Variants in PCSK2 observed in about 807,000 individuals in gnomAD.
PCSK2 encodes neuroendocrine convertase 2.
In PCSK2, 14 loss-of-function variants were observed where a neutral mutation model predicts 69.7. The ratio of observed to expected loss-of-function variants is 0.20; its 90% confidence interval spans 0.13 to 0.31. The LOEUF (loss-of-function observed/expected upper bound fraction) is 0.31. Among genes scored for constraint, PCSK2 ranks in the 10% least tolerant of loss-of-function variants. The pLI is 1.00. For synonymous variants in PCSK2, 307 were observed against 320.7 expected, an observed-to-expected ratio of 0.96 and a Z score of 0.46; for missense variants, 544 against 842.5, an observed-to-expected ratio of 0.65 and a Z score of 4.39.
intron 2 of PCSK2, among the ~76,000 whole-genome samples, chr20:17,327,947 C>A (rs1448210926): frequency 2.0e-5 from 3 of 152,140 alleles, no homozygotes; most frequent in East Asian, 1.9e-4. Context: ...TATACACGCA[C>A]GCGATGCCCA....
intron 2 of PCSK2, among the ~76,000 whole-genome samples, chr20:17,330,775 C>A (rs1706491732): frequency 6.6e-6 from 1 of 152,280 alleles, no homozygotes; most frequent in African/African-American, 2.4e-5. Context: ...CAGCAGCTAA[C>A]AATCCAGGCC....
intron 1 of PCSK2, among the ~76,000 whole-genome samples, chr20:17,251,951 G>A (rs1208585243): frequency 6.6e-6 from 1 of 152,182 alleles, no homozygotes; most frequent in Non-Finnish European, 1.5e-5. Context: ...AGGATTGTCA[G>A]GCAAAGCACT....
At position 17,453,698 on chromosome 20, in the gene PCSK2, G is replaced by A; in HGVS notation, c.886-44G>A. On this transcript the variant is annotated intron_variant, in intron 8 of 11. Transcript: ENST00000262545. The surrounding 1 kb of genome is among the most constrained non-coding windows in gnomAD (Gnocchi z 4.0). ...TGGAGACCTCCCCTGCCCCCTCGCA[G>A]CCCAGGCTGTGGGTAGCGGCAGCGT... The A allele has an allele frequency of 1.2e-6, 2 of 1,605,008 alleles. No homozygotes were observed. The highest frequency in any genetic ancestry group is 1.7e-6 in the Non-Finnish European group (2 of 1,177,130).
chr20:17,258,455 A>G (rs990304518), intron 1 of PCSK2, among the ~76,000 whole-genome samples: 2 of 152,080 alleles, frequency 1.3e-5, no homozygotes, highest in Non-Finnish European at 2.9e-5. Flanking sequence ...TCCCCACCCC[A>G]ACACACAGCA....
chr20:17,233,322 T>C (rs1378143085), intron 1 of PCSK2, among the ~76,000 whole-genome samples: 1 of 152,134 alleles, frequency 6.6e-6, no homozygotes, highest in African/African-American at 2.4e-5. Context: ...ACTGAGTGCA[T>C]AGGATAAAAT....
chr20:17,240,219 C>T (rs1223879850), intron 1 of PCSK2, among the ~76,000 whole-genome samples: 4 of 152,018 alleles, frequency 2.6e-5, no homozygotes, highest in African/African-American at 9.7e-5. Flanking sequence ...AAGCAAGTCA[C>T]ATGGCCAAGT....
At chr20:17,356,979 T>A (rs1431786177) in intron 2 of PCSK2, among the ~76,000 whole-genome samples, 1 of 151,878 alleles carries the variant, frequency 6.6e-6, no homozygotes, top group Non-Finnish European at 1.5e-5. Flanking sequence ...TGGAAGTAAT[T>A]CCCCCAAATA....
intron 5 of PCSK2, among the ~76,000 whole-genome samples, chr20:17,407,971 C>T (rs2031790078): frequency 6.6e-6 from 1 of 152,110 alleles, no homozygotes; most frequent in African/African-American, 2.4e-5. Flanking sequence ...GTCACCTAAA[C>T]AATAAAACAA....
intron 2 of PCSK2, among the ~76,000 whole-genome samples, chr20:17,316,727 C>T (rs978819101): frequency 6.6e-6 from 1 of 152,132 alleles, no homozygotes; most frequent in East Asian, 1.9e-4. Context: ...TCCACCAGCC[C>T]CATGTTTCTG....
At chr20:17,276,940 C>T (rs1315515336) in intron 2 of PCSK2, among the ~76,000 whole-genome samples, 1 of 151,996 alleles carries the variant, frequency 6.6e-6, no homozygotes, top group East Asian at 1.9e-4. Flanking sequence ...AAACAGAGAG[C>T]CAAATCATGA....
At chr20:17,300,306 C>T (rs528070227) in intron 2 of PCSK2, among the ~76,000 whole-genome samples, 3 of 152,374 alleles carry the variant, frequency 2.0e-5, no homozygotes, top group Middle Eastern at 3.4e-3. Flanking sequence ...GTGTGCACTG[C>T]TGTGGGCGCC....
intron 6 of PCSK2, among the ~76,000 whole-genome samples, chr20:17,421,564 C>G (rs888806751): frequency 3.9e-5 from 6 of 152,040 alleles, no homozygotes; most frequent in African/African-American, 7.2e-5. Context: ...AGCTGGCCAC[C>G]ATGGGTCTTC....
chr20:17,443,799 C>G (rs1450733761), intron 8 of PCSK2, among the ~76,000 whole-genome samples: 1 of 152,204 alleles, frequency 6.6e-6, no homozygotes, highest in Non-Finnish European at 1.5e-5. Context: ...GTGTGATTGT[C>G]CTGCAAAGCA....
At chr20:17,364,134 T>TAA (rs34372117) in intron 4 of PCSK2, among the ~76,000 whole-genome samples, 1 of 137,202 alleles carries the variant, frequency 7.3e-6, no homozygotes, top group Non-Finnish European at 1.6e-5. Flanking sequence ...ACTTAAAGTA[T>TAA]AAAAAAAAAA....
chr20:17,301,355 C>T (rs111615123), intron 2 of PCSK2, among the ~76,000 whole-genome samples: 2 of 152,160 alleles, frequency 1.3e-5, no homozygotes, highest in Admixed American at 6.5e-5. Flanking sequence ...ATATCAAAGG[C>T]CCCTTGGAGG....
At chr20:17,428,192 G>T (rs752093633) in intron 6 of PCSK2, among the ~76,000 whole-genome samples, 4 of 152,182 alleles carry the variant, frequency 2.6e-5, no homozygotes, top group Non-Finnish European at 4.4e-5. Flanking sequence ...CTTTGTTCAA[G>T]CTGGTTCACA....
At chr20:17,270,670 A>T (rs950440920) in intron 2 of PCSK2, among the ~76,000 whole-genome samples, 3 of 152,168 alleles carry the variant, frequency 2.0e-5, no homozygotes, top group Non-Finnish European at 4.4e-5. Context: ...CAAGTAAAGA[A>T]TAGTTTAATG....
chr20:17,338,289 C>T (rs111439975), intron 2 of PCSK2, among the ~76,000 whole-genome samples: 23,038 of 151,546 alleles, frequency 0.15, 2,303 homozygotes, highest in African/African-American at 0.27. Context: ...CTCCGCCTCC[C>T]AGGTTCAAGC....
chr20:17,386,877 A>T (rs2031249882), intron 5 of PCSK2, among the ~76,000 whole-genome samples: 1 of 152,230 alleles, frequency 6.6e-6, no homozygotes, highest in African/African-American at 2.4e-5. Flanking sequence ...TGGATCATCC[A>T]GCACATCCTC....
Sources: gnomAD v4.1 joint callset for allele counts (sites outside exome capture counted in the v4.1 genomes callset) on GRCh38, gnomAD v4.1.1 for gene constraint, Gnocchi (gnomAD v3.1) non-coding constraint, MANE v1.5 for transcripts, NCBI Gene and HGNC (gene_info 2026-07-23, HGNC 2026-07-21) for gene names.